Variants in SUGCT observed in about 807,000 individuals in gnomAD.
SUGCT encodes the protein succinyl-CoA:glutarate CoA-transferase.
Under a neutral mutation model 55.0 loss-of-function variants are expected in SUGCT, and 41 were observed. The ratio of observed to expected loss-of-function variants is 0.74; its 90% CI spans 0.58 to 0.97. The LOEUF is 0.97. Ranked by LOEUF, SUGCT falls within the 50% of genes least tolerant of loss-of-function variation. The pLI, the probability that SUGCT is intolerant of heterozygous loss-of-function variation, is 0.00. For synonymous variants in SUGCT, 187 were observed against 200.4 expected, an observed-to-expected ratio of 0.93 and a Z score of 0.56; for missense variants, 568 against 547.8, an observed-to-expected ratio of 1.04 and a Z score of -0.37.
intron 12 of SUGCT, among the ~76,000 whole-genome samples, chr7:40,560,853 G>A (rs1238383430): frequency 6.6e-6 from 1 of 152,174 alleles, no homozygotes; most frequent in African/African-American, 2.4e-5. Flanking sequence ...CTTAATTAGT[G>A]TTTGCAAATC....
At chr7:40,860,293 C>G (rs1484688437) in intron 13 of SUGCT, 23 bp from the exon 14 acceptor site, 5 of 1,613,724 alleles carry the variant, frequency 3.1e-6, no homozygotes, top group Non-Finnish European at 4.2e-6. Flanking sequence ...AACAGGCTTC[C>G]TGCTTTCCTT....
intron 9 of SUGCT, among the ~76,000 whole-genome samples, chr7:40,396,549 T>G (rs1207673798): frequency 6.6e-6 from 1 of 152,188 alleles, no homozygotes; most frequent in Non-Finnish European, 1.5e-5. Context: ...CTTATTACAT[T>G]TTTGCCGATT....
At chr7:40,352,649 G>A (rs979002935) in intron 9 of SUGCT, among the ~76,000 whole-genome samples, 1 of 152,074 alleles carries the variant, frequency 6.6e-6, no homozygotes, top group African/African-American at 2.4e-5. Flanking sequence ...TTATGGCTGT[G>A]AAATATTCCA....
intron 12 of SUGCT, among the ~76,000 whole-genome samples, chr7:40,699,541 A>G (rs1001115499): frequency 6.6e-6 from 1 of 152,172 alleles, no homozygotes; most frequent in Non-Finnish European, 1.5e-5. Context: ...GAATTGCATA[A>G]TGCTAATGAA....
chr7:40,866,736 CTT>C, the SUGCT span, among the ~76,000 whole-genome samples: 1 of 152,116 alleles, frequency 6.6e-6, no homozygotes, highest in South Asian at 2.1e-4. Context: ...TCTAGCTTTA[CTT>C]TCTGCAGTCT....
intron 1 of SUGCT, among the ~76,000 whole-genome samples, chr7:40,143,724 T>C (rs1788104396): frequency 6.6e-6 from 1 of 152,180 alleles, no homozygotes; most frequent in Non-Finnish European, 1.5e-5. Context: ...GGAGTGGCAA[T>C]TGTTCAGTTG....
intron 4 of SUGCT, among the ~76,000 whole-genome samples, chr7:40,188,889 C>T (rs7808779): frequency 0.066 from 10,067 of 152,018 alleles, 1,038 homozygotes; most frequent in African/African-American, 0.22. Context: ...GCCTAACACT[C>T]GGTATTATAC....
At chr7:40,738,347 C>A (rs1209193139) in intron 12 of SUGCT, among the ~76,000 whole-genome samples, 1 of 151,866 alleles carries the variant, frequency 6.6e-6, no homozygotes. Flanking sequence ...AAGTAAGATT[C>A]TAAGATGAAT....
chr7:40,153,775 G>T (rs1788710407), intron 1 of SUGCT: 1 of 415,840 alleles, frequency 2.4e-6, no homozygotes, highest in Admixed American at 2.5e-5. Context: ...AATTAAAGAA[G>T]GCTAACCATC....
intron 13 of SUGCT, among the ~76,000 whole-genome samples, chr7:40,829,982 C>A (rs1374164191): frequency 6.6e-6 from 1 of 152,208 alleles, no homozygotes; most frequent in East Asian, 1.9e-4. Flanking sequence ...CAGTAACTAG[C>A]ATCATCTTTA....
chr7:40,537,847 T>C (rs1180150068), intron 12 of SUGCT, among the ~76,000 whole-genome samples: 1 of 152,214 alleles, frequency 6.6e-6, no homozygotes, highest in Admixed American at 6.5e-5. Context: ...ACGATTTAAC[T>C]ACATTATGAG....
At chr7:40,232,963 T>C (rs1371824682) in intron 6 of SUGCT, among the ~76,000 whole-genome samples, 5 of 152,166 alleles carry the variant, frequency 3.3e-5, no homozygotes, top group Admixed American at 3.3e-4. Context: ...TTAAAGGAAC[T>C]ATCTGGATCC....
intron 13 of SUGCT, among the ~76,000 whole-genome samples, chr7:40,855,115 C>G (rs1563051406): frequency 6.6e-6 from 1 of 151,330 alleles, no homozygotes; most frequent in African/African-American, 2.4e-5. Context: ...GGAAGTTTCT[C>G]AGATATTTTT....
chr7:40,323,970 G>A (rs1795878438), intron 9 of SUGCT, among the ~76,000 whole-genome samples: 1 of 151,774 alleles, frequency 6.6e-6, no homozygotes, highest in African/African-American at 2.4e-5. Flanking sequence ...TCTTCTCTAA[G>A]ATCTTTCCAT....
intron 12 of SUGCT, among the ~76,000 whole-genome samples, chr7:40,535,742 G>A (rs2151605173): frequency 6.6e-6 from 1 of 152,270 alleles, no homozygotes; most frequent in Middle Eastern, 3.4e-3. Flanking sequence ...GCCATGTCCT[G>A]GTCAGGCTGG....
At chr7:40,755,318 C>T (rs958951802) in intron 13 of SUGCT, among the ~76,000 whole-genome samples, 6 of 152,152 alleles carry the variant, frequency 3.9e-5, no homozygotes, top group Non-Finnish European at 1.5e-5. Flanking sequence ...TTTTGTAAAA[C>T]TTACAGTGTC....
the SUGCT span, among the ~76,000 whole-genome samples, chr7:40,954,059 A>G: frequency 2.0e-5 from 3 of 152,236 alleles, no homozygotes; most frequent in South Asian, 4.1e-4. Context: ...GGTGGAGTCT[A>G]CAGAGGCAGG....
chr7:40,366,061 C>G (rs184960223), intron 9 of SUGCT, among the ~76,000 whole-genome samples: 2 of 152,176 alleles, frequency 1.3e-5, no homozygotes, highest in African/African-American at 4.8e-5. Context: ...GGTACCAAAA[C>G]AGAGATATAG....
chr7:40,875,097 A>T, the SUGCT span, among the ~76,000 whole-genome samples: 1 of 152,126 alleles, frequency 6.6e-6, no homozygotes, highest in Non-Finnish European at 1.5e-5. Flanking sequence ...TCTACTATTA[A>T]CCCTTTACTG....
Sources: allele counts gnomAD v4.1 joint callset (sites outside exome capture counted in the v4.1 genomes callset), GRCh38; gene constraint gnomAD v4.1.1; transcripts MANE v1.5; gene names NCBI Gene and HGNC (gene_info 2026-07-23, HGNC 2026-07-21).